U2SURP: variants seen among roughly 807,000 people sequenced by gnomAD.
The protein encoded by U2SURP is U2 snRNP associated SURP domain containing, also known as U2 snRNP-associated SURP motif-containing protein.
In U2SURP, 9 loss-of-function variants were observed where a neutral mutation model predicts 144.9. That is an observed-to-expected ratio of 0.06 (90% CI 0.04 to 0.11). The LOEUF (loss-of-function observed/expected upper bound fraction) is 0.11. Ranked by LOEUF, U2SURP falls within the 10% of genes least tolerant of loss-of-function variation. The pLI, the probability that U2SURP is intolerant of heterozygous loss-of-function variation, is 1.00. For missense variants in U2SURP, 724 were observed against 1,226.7 expected (o/e 0.59, Z 6.12); for synonymous variants, 408 against 396.8 (o/e 1.03, Z -0.33).
At chr3:143,052,653 G>A (rs539988870) in intron 25 of U2SURP, among the ~76,000 whole-genome samples, 1 of 152,318 alleles carries the variant, frequency 6.6e-6, no homozygotes, top group East Asian at 1.9e-4. Context: ...TTGAGTAGTT[G>A]TGGCAGAGAC....
intron 16 of U2SURP, among the ~76,000 whole-genome samples, chr3:143,032,363 AC>A (rs1375168767): frequency 6.6e-6 from 1 of 152,066 alleles, no homozygotes; most frequent in African/African-American, 2.4e-5. Flanking sequence ...GAGCCACCGC[AC>A]CCAGCCAGTC....
rs1935262182 is a variant in U2SURP at position 143,058,829 on chromosome 3, T to C, written c.*2379T>C. 6.6e-6 allele frequency: 1 copy of C among 151,976 alleles called. No homozygotes were observed. The highest frequency in any genetic ancestry group is 2.1e-4 in the South Asian group (1 of 4,824). The allele number at this position is 151,976 out of a possible 1,614,324, so 9.4% of individuals were successfully genotyped here. On this transcript the variant is annotated 3_prime_UTR_variant, in exon 28 of 28. Transcript: ENST00000473835. The stretch of plus-strand genomic sequence containing the variant: ...AGGTTGACTAGAATGTTCATAAGCA[T>C]GGTCTTCCAGTTGCAGGAAAGATCA...
chr3:143,023,914 G>A (rs1932978437), intron 12 of U2SURP, 61 bp from the exon 13 acceptor site: 16 of 1,526,150 alleles, frequency 1.0e-5, no homozygotes, highest in Non-Finnish European at 1.4e-5. Flanking sequence ...ATTTTTGCTT[G>A]TTACTTGTTA....
intron 4 of U2SURP, among the ~76,000 whole-genome samples, chr3:143,014,668 G>T (rs982071425): frequency 6.6e-6 from 1 of 151,950 alleles, no homozygotes; most frequent in African/African-American, 2.4e-5. Flanking sequence ...AAGTGTATGT[G>T]TGTGTAGACA....
chr3:143,038,038 A>AT (rs1009022745), intron 21 of U2SURP, 70 bp from the exon 22 acceptor site: 1 of 1,072,298 alleles, frequency 9.3e-7, no homozygotes, highest in Non-Finnish European at 1.3e-6. Flanking sequence ...AATATGGTGA[A>AT]TACCCATGAA....
intron 24 of U2SURP, among the ~76,000 whole-genome samples, chr3:143,047,879 C>T (rs1934614442): frequency 2.5e-5 from 2 of 81,124 alleles, no homozygotes; most frequent in South Asian, 3.4e-4. Context: ...GGGCGGGGGG[C>T]TGACCCCCCC....
intron 8 of U2SURP, among the ~76,000 whole-genome samples, chr3:143,021,083 C>T (rs1936604647): frequency 6.6e-6 from 1 of 152,022 alleles, no homozygotes; most frequent in Non-Finnish European, 1.5e-5. Context: ...CCCAGCTACT[C>T]AGGAGGCTGA....
intron 19 of U2SURP, 51 bp downstream of exon 19, chr3:143,035,026 GGA>G: frequency 3.6e-6 from 1 of 275,888 alleles, no homozygotes; most frequent in Non-Finnish European, 7.7e-6. Context: ...ATGGGTGGGG[GGA>G]GGGCATTGAA....
Position 143,001,603 on chromosome 3 carries a change from C to T in U2SURP, c.-26C>T, listed in dbSNP as rs780408117. The T allele has an allele frequency of 6.8e-6, 11 of 1,613,548 alleles. No homozygotes were observed. The highest frequency in any genetic ancestry group is 1.7e-5 in the Admixed American group (1 of 59,964). On this transcript the variant is annotated 5_prime_UTR_variant, in exon 1 of 28. Transcript: ENST00000473835. ...GCTCGACTCGCCCGTGCTGCTGCCG[C>T]CGCCGAAGGAGGGGCAAAGCTCAAG...
At chr3:143,049,653 C>T (rs949211270) in intron 24 of U2SURP, among the ~76,000 whole-genome samples, 3 of 152,092 alleles carry the variant, frequency 2.0e-5, no homozygotes, top group Non-Finnish European at 2.9e-5. Context: ...GTATTTTCAC[C>T]CTTGTAAATT....
rs543739653 is a variant in U2SURP at position 143,032,198 on chromosome 3, G to A, written c.1611-586G>A. Reference sequence around the variant, plus strand: ...AGCAATTCTTCTGCCTCAGCCTCCCGAGTAGCTGGCATTATAGGTGCCTGC... The same window carrying A: ...AGCAATTCTTCTGCCTCAGCCTCCCAAGTAGCTGGCATTATAGGTGCCTGC... On this transcript the variant is annotated intron_variant, in intron 16 of 27. Transcript: ENST00000473835. Among the ~76,000 whole-genome samples the A allele has an allele frequency of 2.3e-3, 342 of 151,884 alleles. 3 individuals are homozygous for A. The highest frequency in any genetic ancestry group is 7.4e-3 in the African/African-American group (305 of 41,432).
intron 23 of U2SURP, among the ~76,000 whole-genome samples, 162 bp downstream of exon 23, chr3:143,039,122 G>A (rs1933963856): frequency 6.6e-6 from 1 of 151,878 alleles, no homozygotes; most frequent in Admixed American, 6.6e-5. Context: ...TGAATAAAGA[G>A]CTTTTGTTTT....
chr3:143,003,164 AATGT>A (rs1449377919), intron 1 of U2SURP, among the ~76,000 whole-genome samples: 3 of 152,232 alleles, frequency 2.0e-5, no homozygotes, highest in African/African-American at 7.2e-5. Flanking sequence ...CTCATGACTG[AATGT>A]ATGGCTGTTC....
At chr3:143,024,189 A>C (rs112510877) in intron 13 of U2SURP, among the ~76,000 whole-genome samples, 171 bp downstream of exon 13, 1 of 152,036 alleles carries the variant, frequency 6.6e-6, no homozygotes, top group Non-Finnish European at 1.5e-5. Flanking sequence ...ATACTTTGCA[A>C]TTTTATGTCA....
intron 24 of U2SURP, among the ~76,000 whole-genome samples, chr3:143,044,965 C>T (rs1210548962): frequency 6.6e-6 from 1 of 152,134 alleles, no homozygotes; most frequent in East Asian, 1.9e-4. Flanking sequence ...GGGATGTATT[C>T]ATATACATTT....
chr3:143,050,160 G>A lies in U2SURP; in HGVS notation c.2545-779G>A, dbSNP rs572747079. On this transcript the variant is annotated intron_variant, in intron 24 of 27. Transcript: ENST00000473835. ...GCCATCTCGGCTCACCGCAACCTCC[G>A]CCCACCGGGTTCAAGCGATTCTCCT... 1.3e-3 allele frequency among the ~76,000 whole-genome samples: 198 copies of A among 151,874 alleles called. 1 individual carries two copies. The highest frequency in any genetic ancestry group is 4.6e-3 in the African/African-American group (189 of 41,416).
At chr3:143,054,371 G>A (rs1047723008) in intron 26 of U2SURP, among the ~76,000 whole-genome samples, 1 of 152,134 alleles carries the variant, frequency 6.6e-6, no homozygotes, top group African/African-American at 2.4e-5. Context: ...GCAAATAAAA[G>A]TCTAGCTTAG....
At chr3:143,038,031 A>G (rs1933903355) in intron 21 of U2SURP, 77 bp from the exon 22 acceptor site, 4 of 991,142 alleles carry the variant, frequency 4.0e-6, no homozygotes, top group Admixed American at 6.5e-5. Context: ...TTTTAATAAT[A>G]TGGTGAATAC....
Position 143,053,668 on chromosome 3 carries a change from A to C in U2SURP, c.2656-8A>C. On this transcript the variant is annotated splice_polypyrimidine_tract_variant and splice_region_variant and intron_variant, in intron 25 of 27. Transcript: ENST00000473835. ...AAACAACTTAATATTTTCTATAAAA[A>C]ATAACAGGAGAAAGAGAAAGAGTTA... The C allele has an allele frequency of 7.6e-7, 1 of 1,321,756 alleles. No homozygotes were observed. The highest frequency in any genetic ancestry group is 1.0e-6 in the Non-Finnish European group (1 of 957,462). The allele number at this position is 1,321,756 out of a possible 1,614,324, so 81.9% of individuals were successfully genotyped here. A position where few individuals can be genotyped will look rare whatever the true frequency, so the allele number is the denominator to read the frequency against.
Sources: gnomAD v4.1 joint callset for allele counts (sites outside exome capture counted in the v4.1 genomes callset) on GRCh38, gnomAD v4.1.1 for gene constraint, MANE v1.5 for transcripts, NCBI Gene and HGNC (gene_info 2026-07-23, HGNC 2026-07-21) for gene names.